The following EMC1 variants were observed in gnomAD, a reference collection of about 807,000 sequenced individuals.
EMC1 encodes KIAA0090.
A neutral mutation model predicts 128.8 loss-of-function variants in EMC1; 103 were observed. That is an observed-to-expected ratio of 0.80 (90% confidence interval 0.68 to 0.94). The LOEUF is 0.94. Among genes scored for constraint, EMC1 ranks in the 40% least tolerant of loss-of-function variants. The pLI, the probability that EMC1 is intolerant of heterozygous loss-of-function variation, is 0.00. For missense variants in EMC1, 1,083 were observed against 1,250.6 expected (o/e 0.87, Z 2.02); for synonymous variants, 442 against 490.4 (o/e 0.90, Z 1.30).
intron 18 of EMC1, among the ~76,000 whole-genome samples, chr1:19,224,677 A>G (rs921137141): frequency 6.6e-6 from 1 of 152,166 alleles, no homozygotes; most frequent in Non-Finnish European, 1.5e-5. Context: ...AGTCTAATCT[A>G]GGTCAAATGA....
intron 20 of EMC1, among the ~76,000 whole-genome samples, chr1:19,222,304 A>AT (rs1558091196): frequency 1.3e-5 from 2 of 151,474 alleles, no homozygotes; most frequent in East Asian, 1.9e-4. Context: ...ACCAAAAAAA[A>AT]TTTTTTTAAT....
chr1:19,240,788 A>G (rs61764876), intron 6 of EMC1: 1 of 586,254 alleles, frequency 1.7e-6, no homozygotes, highest in East Asian at 2.8e-5. Context: ...ACTTACAGGC[A>G]GAGACTAGAT....
intron 21 of EMC1, 153 bp downstream of exon 21, chr1:19,220,611 C>A: frequency 1.9e-6 from 1 of 531,814 alleles, no homozygotes. Flanking sequence ...CTGTAAGCTC[C>A]ATGAGGGCAG....
intron 2 of EMC1, 124 bp from the exon 3 acceptor site, chr1:19,244,139 G>A (rs1251321045): frequency 2.2e-6 from 2 of 925,094 alleles, no homozygotes; most frequent in African/African-American, 3.3e-5. Flanking sequence ...GAGTGAAGGA[G>A]TATAGCTAAC....
chr1:19,238,940 C>T lies in EMC1; in HGVS notation c.1027-83G>A, dbSNP rs145060133. On this transcript the variant is annotated intron_variant, in intron 9 of 22. Transcript: ENST00000477853. The stretch of plus-strand genomic sequence containing the variant: ...GAAATGAAGCTTTTGTTTTTGTCTT[C>T]TTAGCACTTGAGAGAAGACAAAGCT... 1.8e-4 allele frequency: 182 copies of T among 1,027,616 alleles called. 1 individual carries two copies. The East Asian group carries it at 3.2e-3, about 18-fold the overall frequency. 63.7% of individuals were successfully genotyped at this position (1,027,616 alleles called of 1,614,324 possible). A position where few individuals can be genotyped will look rare whatever the true frequency, so the allele number is the denominator to read the frequency against.
intron 22 of EMC1, 39 bp from the exon 23 acceptor site, chr1:19,219,521 C>T (rs2093414825): frequency 1.2e-6 from 2 of 1,613,810 alleles, no homozygotes; most frequent in Admixed American, 1.7e-5. Flanking sequence ...AAAGAAACAA[C>T]CAATGATCCA....
chr1:19,226,723 T>C (rs888769649), intron 18 of EMC1, among the ~76,000 whole-genome samples: 4 of 151,370 alleles, frequency 2.6e-5, no homozygotes, highest in Admixed American at 1.3e-4. Context: ...GCCCAGCTAA[T>C]TGTTTTTTTT....
intron 4 of EMC1, 103 bp from the exon 5 acceptor site, chr1:19,242,576 A>G: frequency 7.6e-7 from 1 of 1,319,296 alleles, no homozygotes; most frequent in Non-Finnish European, 1.0e-6. Context: ...GTAAGAAAAC[A>G]GGCTTTGGGG....
intron 1 of EMC1, among the ~76,000 whole-genome samples, chr1:19,247,822 C>G (rs1233247566): frequency 6.6e-6 from 1 of 152,084 alleles, no homozygotes; most frequent in Non-Finnish European, 1.5e-5. Context: ...GTCAGGAGTT[C>G]AAGAACAGCC....
intron 7 of EMC1, 56 bp from the exon 8 acceptor site, chr1:19,240,041 T>C: frequency 2.6e-6 from 4 of 1,533,208 alleles, no homozygotes; most frequent in Non-Finnish European, 3.5e-6. Context: ...CCCTGACCCA[T>C]CCCAGGCTCA....
At chr1:19,233,395 G>T (rs1179123032) in intron 13 of EMC1, among the ~76,000 whole-genome samples, 1 of 152,194 alleles carries the variant, frequency 6.6e-6, no homozygotes, top group Non-Finnish European at 1.5e-5. Context: ...AGACTAAGAG[G>T]TCAGGGATCA....
At chr1:19,248,531 T>C (rs1380395836) in intron 1 of EMC1, among the ~76,000 whole-genome samples, 1 of 151,942 alleles carries the variant, frequency 6.6e-6, no homozygotes, top group African/African-American at 2.4e-5. Context: ...GTAATTCTCC[T>C]GCCTCAGCCT....
chr1:19,223,976 C>T (rs1320955682), intron 18 of EMC1, among the ~76,000 whole-genome samples: 2 of 152,202 alleles, frequency 1.3e-5, no homozygotes, highest in Admixed American at 6.5e-5. Flanking sequence ...CCCTCCCCAT[C>T]GCTAAATCCA....
At chr1:19,245,627 C>CTTTTTTTTTTTTTTTTTTT (rs539316345) in intron 1 of EMC1, among the ~76,000 whole-genome samples, 2 of 123,140 alleles carry the variant, frequency 1.6e-5, no homozygotes, top group African/African-American at 6.8e-5. Context: ...CCTTACCTTT[C>CTTTTTTTTTTTTTTTTTTT]TTTTTTTTTT....
rs1287931705 is a variant in EMC1, at chr1:19,237,100, G to A, written c.1309+42C>T. ...CAGTCTGATTGGAACACATTGGAAG[G>A]CCTGGGGAAATAAAAAAATGGGTTG... On this transcript the variant is annotated intron_variant, in intron 12 of 22. Transcript: ENST00000477853. 6 of 1,401,074 alleles carry A rather than the reference G, an allele frequency of 4.3e-6. No individual in the cohort carries two copies. The East Asian group carries it at 6.8e-5, about 16-fold the overall frequency. The allele number at this position is 1,401,074 out of a possible 1,614,324, so 86.8% of individuals were successfully genotyped here.
At chr1:19,250,218 C>CAAAAAAAAAA (rs55743743) in intron 1 of EMC1, among the ~76,000 whole-genome samples, 1 of 48,228 alleles carries the variant, frequency 2.1e-5, no homozygotes, top group Non-Finnish European at 3.3e-5. Flanking sequence ...AAAACTGTCT[C>CAAAAAAAAAA]AAAAAAAAAA....
chr1:19,229,371 A>G (rs1329497576), intron 17 of EMC1: 1 of 152,180 alleles, frequency 6.6e-6, no homozygotes, highest in African/African-American at 2.4e-5. Flanking sequence ...ATCCCCAGAG[A>G]GGAAGGTCAC....
rs145843835 is a variant in EMC1 at position 19,222,731 on chromosome 1, C to A, written c.2480G>T (p.Arg827Leu). 9.3e-6 allele frequency: 15 copies of A among 1,613,920 alleles called. No individual in the cohort carries two copies. Among genetic ancestry groups the A allele is most frequent in the Non-Finnish European group, 1.3e-5 (15 of 1,179,974 alleles). The change falls in exon 20 of 23, where the codon CGC (arginine) becomes CTC (leucine). Residue 827 changes from arginine (R) to leucine (L), a missense_variant. Arg to Leu is a moderately radical substitution (Grantham distance 102). Around this residue, in one of 3 missense-constraint regions of EMC1, gnomAD observed 527 missense variants for 644.1 expected, o/e 0.82. Transcript: ENST00000477853. ...YNATAFSSLD[R>L]PQLPQVLQQS... ...CTGGAGGACCTGGGGCAGCTGGGGGCGGTCCAGGGAGCTGAAGGCGGTGGC... is the reference window on the plus strand; with the variant it reads ...CTGGAGGACCTGGGGCAGCTGGGGGAGGTCCAGGGAGCTGAAGGCGGTGGC...
In EMC1 at chr1:19,240,005, A is replaced by G; in HGVS notation, c.787-20T>C. On this transcript the variant is annotated intron_variant, in intron 7 of 22. Transcript: ENST00000477853. The stretch of plus-strand genomic sequence containing the variant: ...GAGAGACTGGAAGGCAAGAAGGAGG[A>G]GGATTATGGCTAACAGCTGACGACT... 1 of 1,603,910 alleles carries G rather than the reference A, an allele frequency of 6.2e-7. No homozygotes were observed. The highest frequency in any genetic ancestry group is 8.5e-7 in the Non-Finnish European group (1 of 1,173,488).
Sources: gnomAD v4.1 joint callset for allele counts (sites outside exome capture counted in the v4.1 genomes callset) on GRCh38, gnomAD v4.1.1 for gene constraint, gnomAD v4.1.1 regional missense constraint, MANE v1.5 for transcripts, NCBI Gene and HGNC (gene_info 2026-07-23, HGNC 2026-07-21) for gene names.